The following ABCG2 variants were observed in gnomAD, a reference collection of about 807,000 sequenced individuals.
ABCG2 encodes the protein ATP binding cassette subfamily G member 2 (JR blood group).
ABCG2 carries 80 observed loss-of-function variants against 73.5 expected under a neutral mutation model. The ratio of observed to expected loss-of-function variants is 1.09; its 90% CI spans 0.91 to 1.31. The LOEUF is 1.31. Ranked by LOEUF, ABCG2 falls within the 50% of genes most tolerant of loss-of-function variation. The pLI, the probability that ABCG2 is intolerant of heterozygous loss-of-function variation, is 0.00. For synonymous variants in ABCG2, 269 were observed against 282.4 expected, an observed-to-expected ratio of 0.95 and a Z score of 0.48; for missense variants, 796 against 786.2, an observed-to-expected ratio of 1.01 and a Z score of -0.15.
chr4:88,173,708 C>CT (rs1727848658), intron 1 of ABCG2, among the ~76,000 whole-genome samples: 2 of 152,002 alleles, frequency 1.3e-5, no homozygotes, highest in South Asian at 4.2e-4. Context: ...TCAAATATCT[C>CT]TAATTTTTGG....
chr4:88,169,832 C>T, intron 1 of ABCG2, among the ~76,000 whole-genome samples: 1 of 151,960 alleles, frequency 6.6e-6, no homozygotes, highest in East Asian at 1.9e-4. Flanking sequence ...GACACAGGTC[C>T]AGGCACAGTG....
rs570610170 is a variant in ABCG2, at chr4:88,101,434, A to G, written c.1278-115T>C. 30 of 924,636 alleles carry G rather than the reference A, an allele frequency of 3.2e-5. No individual in the cohort carries two copies. In the Admixed American group the frequency reaches 4.5e-4, roughly 14 times the overall value. 57.3% of individuals were successfully genotyped at this position (924,636 alleles called of 1,614,324 possible). On this transcript the variant is annotated intron_variant, in intron 10 of 15. Transcript: ENST00000237612. ...GTGTATAAAGTTAAGCAGGAAAAAA[A>G]GGGAAACTGTTCTGGTTGGAACAGG...
intron 12 of ABCG2, among the ~76,000 whole-genome samples, chr4:88,098,965 T>C (rs1442595202): frequency 6.6e-6 from 1 of 152,076 alleles, no homozygotes; most frequent in African/African-American, 2.4e-5. Context: ...TCCATCTTTC[T>C]GTGTGCCGGT....
At chr4:88,172,582 A>G (rs915829767) in intron 1 of ABCG2, among the ~76,000 whole-genome samples, 14 of 372 alleles carry the variant, frequency 0.038, no homozygotes, top group Non-Finnish European at 0.11. Flanking sequence ...TGTCTCAGGG[A>G]AAAAAAAAAA....
chr4:88,177,377 T>TA (rs200529104), intron 1 of ABCG2, among the ~76,000 whole-genome samples: 10,569 of 135,052 alleles, frequency 0.078, 472 homozygotes, highest in Middle Eastern at 0.13. Context: ...CGTCTCAAAA[T>TA]AAAAAAAAAT....
At chr4:88,112,728 A>C (rs958505114) in intron 9 of ABCG2, among the ~76,000 whole-genome samples, 8 of 150,568 alleles carry the variant, frequency 5.3e-5, no homozygotes, top group South Asian at 2.1e-4. Flanking sequence ...ACAATTTCCC[A>C]AAAAAAAAAT....
chr4:88,094,691 A>G (rs1439746769), intron 14 of ABCG2, 32 bp from the exon 15 acceptor site: 4 of 1,557,644 alleles, frequency 2.6e-6, no homozygotes, highest in Non-Finnish European at 2.7e-6. Flanking sequence ...GGCAAGGTAA[A>G]CAGTTTTAAA....
intron 2 of ABCG2, among the ~76,000 whole-genome samples, chr4:88,136,127 T>A (rs1365012342): frequency 1.3e-5 from 2 of 152,166 alleles, no homozygotes; most frequent in Non-Finnish European, 2.9e-5. Context: ...CCCAGGGTGC[T>A]GCGGGAATGG....
At chr4:88,129,511 G>A (rs746378309) in intron 5 of ABCG2, among the ~76,000 whole-genome samples, 1 of 152,140 alleles carries the variant, frequency 6.6e-6, no homozygotes, top group East Asian at 1.9e-4. Flanking sequence ...AAAGAATAGA[G>A]TGGAACAAAA....
intron 1 of ABCG2, among the ~76,000 whole-genome samples, chr4:88,152,233 C>T (rs1726544845): frequency 3.3e-5 from 5 of 152,142 alleles, no homozygotes; most frequent in Admixed American, 1.3e-4. Context: ...CTAAATACTA[C>T]CAATTTTACT....
intron 1 of ABCG2, among the ~76,000 whole-genome samples, chr4:88,188,470 C>T (rs1397041760): frequency 6.6e-6 from 1 of 151,952 alleles, no homozygotes; most frequent in Non-Finnish European, 1.5e-5. Flanking sequence ...ACTTTGGCCT[C>T]CCAAAGAACT....
At chr4:88,175,218 C>T (rs1727909527) in intron 1 of ABCG2, among the ~76,000 whole-genome samples, 1 of 152,160 alleles carries the variant, frequency 6.6e-6, no homozygotes, top group African/African-American at 2.4e-5. Context: ...CTTTTGCCTT[C>T]CATTGTTTAA....
intron 1 of ABCG2, among the ~76,000 whole-genome samples, chr4:88,184,871 A>T (rs1728388615): frequency 6.6e-6 from 1 of 152,250 alleles, no homozygotes; most frequent in Non-Finnish European, 1.5e-5. Context: ...GGAACAGAAT[A>T]GAGAAACCAG....
At chr4:88,140,043 A>G in intron 1 of ABCG2, 29 bp from the exon 2 acceptor site, 1 of 1,565,676 alleles carries the variant, frequency 6.4e-7, no homozygotes, top group Non-Finnish European at 8.7e-7. Context: ...TAGTAAGTTG[A>G]TAGTCCAGAT....
At chr4:88,176,639 C>A (rs1294254425) in intron 1 of ABCG2, among the ~76,000 whole-genome samples, 1 of 140,950 alleles carries the variant, frequency 7.1e-6, no homozygotes, top group African/African-American at 2.6e-5. Flanking sequence ...TGCCAGCACA[C>A]CTGGCTAATT....
At chr4:88,199,956 G>T (rs1234504225) in intron 1 of ABCG2, among the ~76,000 whole-genome samples, 4 of 152,050 alleles carry the variant, frequency 2.6e-5, no homozygotes, top group African/African-American at 7.3e-5. Context: ...GAGCAAGATC[G>T]CGCCACTGCA....
chr4:88,159,550 G>A (rs1209885101), upstream of ABCG2, among the ~76,000 whole-genome samples: 1 of 137,904 alleles, frequency 7.3e-6, no homozygotes, highest in African/African-American at 2.5e-5. Flanking sequence ...TTCAGGAAAC[G>A]GGCCATCAGG....
At chr4:88,150,536 T>C (rs767252827) in intron 1 of ABCG2, among the ~76,000 whole-genome samples, 1 of 152,136 alleles carries the variant, frequency 6.6e-6, no homozygotes, top group Non-Finnish European at 1.5e-5. Context: ...AAGTTCTGAG[T>C]GAAGAAATGA....
chr4:88,098,255 A>G (rs1019659938), intron 12 of ABCG2, among the ~76,000 whole-genome samples: 1 of 152,186 alleles, frequency 6.6e-6, no homozygotes, highest in African/African-American at 2.4e-5. Context: ...CACACCTATT[A>G]TTTGTCAAAT....
Sources: gnomAD v4.1 joint callset for allele counts (sites outside exome capture counted in the v4.1 genomes callset) on GRCh38, gnomAD v4.1.1 for gene constraint, MANE v1.5 for transcripts, NCBI Gene and HGNC (gene_info 2026-07-23, HGNC 2026-07-21) for gene names.